The following DNAJC3 variants were observed in gnomAD, a reference collection of about 807,000 sequenced individuals.
DNAJC3 encodes dnaJ homolog subfamily C member 3.
A neutral mutation model predicts 68.6 loss-of-function variants in DNAJC3; 38 were observed. That is an observed-to-expected ratio of 0.55 (90% CI 0.43 to 0.73). The LOEUF is 0.73. DNAJC3 is among the 30% of genes least tolerant of loss of function. The pLI is 0.00. For missense variants in DNAJC3, 526 were observed against 591.9 expected, an observed-to-expected ratio of 0.89 and a Z score of 1.16; for synonymous variants, 203 against 204.0, an observed-to-expected ratio of 1.00 and a Z score of 0.04.
At chr13:95,698,425 T>C (rs1566472077) in intron 1 of DNAJC3, among the ~76,000 whole-genome samples, 1 of 152,210 alleles carries the variant, frequency 6.6e-6, no homozygotes, top group African/African-American at 2.4e-5. Context: ...CTGGATCGTC[T>C]AGCTTGCCCA....
At chr13:95,789,206 A>G (rs1385345353) in intron 11 of DNAJC3, among the ~76,000 whole-genome samples, 2 of 151,896 alleles carry the variant, frequency 1.3e-5, no homozygotes, top group Non-Finnish European at 1.5e-5. Context: ...TTTGTTACAT[A>G]GGTAAATGTG....
chr13:95,693,679 C>T (rs1325826255), intron 1 of DNAJC3: 1 of 152,178 alleles, frequency 6.6e-6, no homozygotes, highest in Non-Finnish European at 1.5e-5. Flanking sequence ...AACTAATAAT[C>T]TTAAGACTAT....
chr13:95,725,727 G>T (rs2139643814), intron 4 of DNAJC3, among the ~76,000 whole-genome samples: 1 of 150,852 alleles, frequency 6.6e-6, no homozygotes, highest in East Asian at 1.9e-4. Context: ...ACAATGTGCA[G>T]GTTTGTTACG....
chr13:95,709,574 A>G (rs1311508827), intron 2 of DNAJC3, among the ~76,000 whole-genome samples: 1 of 151,980 alleles, frequency 6.6e-6, no homozygotes, highest in Non-Finnish European at 1.5e-5. Context: ...TACCAAGGAT[A>G]ACTCAAGATA....
At chr13:95,779,417 C>T (rs1361172731) in intron 9 of DNAJC3, among the ~76,000 whole-genome samples, 2 of 152,096 alleles carry the variant, frequency 1.3e-5, no homozygotes, top group Non-Finnish European at 2.9e-5. Context: ...AGCCATCGCG[C>T]CCGGCCTAAT....
chr13:95,782,901 T>C (rs1034884334), intron 9 of DNAJC3, among the ~76,000 whole-genome samples: 1 of 152,212 alleles, frequency 6.6e-6, no homozygotes, highest in Admixed American at 6.5e-5. Flanking sequence ...GCCTGTGTCC[T>C]GAATGGTATT....
intron 2 of DNAJC3, among the ~76,000 whole-genome samples, chr13:95,715,944 G>A (rs1881129862): frequency 6.6e-6 from 1 of 151,564 alleles, no homozygotes; most frequent in African/African-American, 2.4e-5. Context: ...ATCACCTGAG[G>A]TCAGGAGTTC....
intron 4 of DNAJC3, among the ~76,000 whole-genome samples, chr13:95,753,896 G>A (rs1421233038): frequency 1.3e-5 from 2 of 152,114 alleles, no homozygotes; most frequent in South Asian, 4.1e-4. Context: ...TGATTGCCAG[G>A]AATGGGGTTT....
chr13:95,677,862 G>A (rs147420271), intron 1 of DNAJC3, among the ~76,000 whole-genome samples: 8 of 152,314 alleles, frequency 5.3e-5, no homozygotes, highest in Non-Finnish European at 1.0e-4. Context: ...CCATTAAGAT[G>A]CACTGTCGTG....
chr13:95,760,672 T>C lies in DNAJC3; in HGVS notation c.729-7T>C, dbSNP rs1490878919. ...GGAGTATTTTCCTTTTTTAAATACATGAACAGTGAAGTTCGGGAATGTCTT... is the reference window on the plus strand; with the variant it reads ...GGAGTATTTTCCTTTTTTAAATACACGAACAGTGAAGTTCGGGAATGTCTT... On this transcript the variant is annotated splice_polypyrimidine_tract_variant and splice_region_variant and intron_variant, in intron 6 of 11. Transcript: ENST00000602402. 1.9e-6 allele frequency: 3 copies of C among 1,604,462 alleles called. No individual in the cohort carries two copies. Among genetic ancestry groups the C allele is most frequent in the African/African-American group, 1.3e-5 (1 of 74,354 alleles).
Position 95,709,250 on chromosome 13 carries a change from G to T in DNAJC3, c.106G>T (p.Asp36Tyr), listed in dbSNP as rs922324918. Residue 36 changes from aspartate (D) to tyrosine (Y), a missense_variant, in exon 2 of 12, where the codon GAT becomes TAT. Coordinates refer to ENST00000602402, the MANE Select transcript of DNAJC3 (RefSeq NM_006260.5). ...YEGAECGVNADVEKHLELGKK... is the reference protein window; with the variant it reads ...YEGAECGVNAYVEKHLELGKK... ...AGGTGCTGAATGTGGAGTAAATGCA[G>T]ATGTTGAGAAACATCTTGAATTGGG... is the stretch of plus-strand genomic sequence containing the variant. The T allele has an allele frequency of 2.5e-5, 39 of 1,578,920 alleles. No individual in the cohort carries two copies. The highest frequency in any genetic ancestry group is 3.2e-5 in the Non-Finnish European group (37 of 1,162,564).
rs1253755538 is a variant in DNAJC3, at chr13:95,694,789, A to C, written c.83-14438A>C. Reference sequence around the variant, plus strand: ...GTTGCCCATATCAACCGAGTTGTAAACTACGGCAGAATAGTCCACTATTTT... The same window carrying C: ...GTTGCCCATATCAACCGAGTTGTAACCTACGGCAGAATAGTCCACTATTTT... On this transcript the variant is annotated intron_variant, in intron 1 of 11. Coordinates refer to ENST00000602402, the MANE Select transcript of DNAJC3 (RefSeq NM_006260.5). 2.6e-5 allele frequency: 4 copies of C among 152,648 alleles called. No individual in the cohort carries two copies. The South Asian group carries it at 8.3e-4, about 32-fold the overall frequency. The allele number at this position is 152,648 out of a possible 1,614,324, so 9.5% of individuals were successfully genotyped here.
At chr13:95,790,762 A>AAAGT in intron 11 of DNAJC3, 111 bp from the exon 12 acceptor site, 1 of 1,268,312 alleles carries the variant, frequency 7.9e-7, no homozygotes, top group Non-Finnish European at 1.1e-6. Context: ...TGATAACCGA[A>AAAGT]AAGTAAGTAG....
intron 4 of DNAJC3, among the ~76,000 whole-genome samples, chr13:95,754,359 G>T (rs1246695685): frequency 6.6e-6 from 1 of 152,210 alleles, no homozygotes; most frequent in Non-Finnish European, 1.5e-5. Context: ...AAGTGAGAAG[G>T]TGAGAGGGAG....
chr13:95,726,661 G>C (rs1450697984), intron 4 of DNAJC3, among the ~76,000 whole-genome samples: 1 of 152,046 alleles, frequency 6.6e-6, no homozygotes, highest in Non-Finnish European at 1.5e-5. Flanking sequence ...AAAATGATTT[G>C]GTTAGAGACA....
chr13:95,762,425 G>GAAC (rs1026297602), intron 7 of DNAJC3, among the ~76,000 whole-genome samples: 4 of 151,928 alleles, frequency 2.6e-5, no homozygotes, highest in African/African-American at 9.7e-5. Context: ...CAAAAAAAAA[G>GAAC]AACCCAGGGA....
intron 1 of DNAJC3, among the ~76,000 whole-genome samples, chr13:95,702,378 G>C (rs911123770): frequency 6.6e-6 from 1 of 152,254 alleles, no homozygotes; most frequent in Admixed American, 6.5e-5. Flanking sequence ...CTTAGTTTCC[G>C]TACGTGCCTT....
chr13:95,678,227 A>G (rs368656137), intron 1 of DNAJC3, among the ~76,000 whole-genome samples: 3 of 152,228 alleles, frequency 2.0e-5, no homozygotes, highest in African/African-American at 7.2e-5. Flanking sequence ...GACACATCAC[A>G]TGCACTGATC....
At position 95,732,289 on chromosome 13, in the gene DNAJC3, A is replaced by G. The variant is rs541283454; in HGVS notation, c.393+7037A>G. Among the ~76,000 whole-genome samples the G allele has an allele frequency of 3.3e-5, 5 of 152,290 alleles. No individual in the cohort carries two copies. In the East Asian group the frequency reaches 9.7e-4, roughly 29 times the overall value. Reference sequence around the variant, plus strand: ...TTTATATGTTTGGAAGAATTTGGCAATGAATCCATCCAGTCCTGGGCTTTT... The same window carrying G: ...TTTATATGTTTGGAAGAATTTGGCAGTGAATCCATCCAGTCCTGGGCTTTT... On this transcript the variant is annotated intron_variant, in intron 4 of 11. Coordinates refer to ENST00000602402, the MANE Select transcript of DNAJC3 (RefSeq NM_006260.5).
Sources: allele counts gnomAD v4.1 joint callset (sites outside exome capture counted in the v4.1 genomes callset), GRCh38; gene constraint gnomAD v4.1.1; transcripts MANE v1.5; gene names NCBI Gene and HGNC (gene_info 2026-07-23, HGNC 2026-07-21).